The following NRG1 variants were observed in gnomAD, a reference collection of about 807,000 sequenced individuals.
NRG1 encodes neuregulin 1.
A neutral mutation model predicts 63.8 loss-of-function variants in NRG1; 18 were observed. The ratio of observed to expected loss-of-function variants is 0.28; its 90% CI spans 0.19 to 0.42. The LOEUF is 0.42. NRG1 is among the 10% of genes least tolerant of loss of function. The pLI is 1.00. For synonymous variants in NRG1, 302 were observed against 301.3 expected (o/e 1.00, Z -0.02); for missense variants, 762 against 814.7 (o/e 0.94, Z 0.79).
chr8:32,092,867 G>A (rs1829383998), intron 1 of NRG1, among the ~76,000 whole-genome samples: 1 of 152,138 alleles, frequency 6.6e-6, no homozygotes, highest in Admixed American at 6.5e-5. Flanking sequence ...ATCTTTAGGC[G>A]AAGTGACAGC....
chr8:32,651,551 A>G (rs1855127656), intron 5 of NRG1, among the ~76,000 whole-genome samples: 1 of 152,156 alleles, frequency 6.6e-6, no homozygotes, highest in South Asian at 2.1e-4. Flanking sequence ...TCTTGAAAGA[A>G]AATGTTTTCT....
In NRG1 at chr8:31,686,101, C is replaced by G. The variant is rs574280357; in HGVS notation, c.37+46670C>G. On this transcript the variant is annotated intron_variant, in intron 1 of 10. Coordinates refer to the NRG1 transcript ENST00000519301. ...AAATTGGATATAAAGCACTCTTATT[C>G]AAAGTAAAATTGCGATTTTATTTAA... Among the ~76,000 whole-genome samples the G allele has an allele frequency of 2.0e-5, 3 of 152,134 alleles. No homozygotes were observed. In the East Asian group the frequency reaches 5.8e-4, roughly 29 times the overall value.
exon 2 of NRG1, chr8:32,595,933 A>G (rs769452176): frequency 3.1e-6 from 5 of 1,613,922 alleles, no homozygotes; most frequent in South Asian, 2.2e-5. Flanking sequence ...CTCAGATTCA[A>G]GTGGTTCAAG....
chr8:31,693,147 G>A (rs1738763878), intron 1 of NRG1, among the ~76,000 whole-genome samples: 1 of 152,126 alleles, frequency 6.6e-6, no homozygotes, highest in South Asian at 2.1e-4. Context: ...GCTGCATTTA[G>A]GGACTTTGTT....
intron 1 of NRG1, among the ~76,000 whole-genome samples, chr8:31,929,173 T>C (rs1206034903): frequency 1.3e-5 from 2 of 152,216 alleles, no homozygotes; most frequent in African/African-American, 4.8e-5. Context: ...TTTATTCTGC[T>C]GTTAAAATGG....
intron 1 of NRG1, among the ~76,000 whole-genome samples, chr8:31,960,378 G>C (rs1449644104): frequency 1.3e-5 from 2 of 151,994 alleles, no homozygotes; most frequent in Non-Finnish European, 2.9e-5. Context: ...GACGCTCAGG[G>C]ATTCTACACC....
chr8:31,989,277 C>G (rs200423182), intron 1 of NRG1, among the ~76,000 whole-genome samples: 1 of 70,332 alleles, frequency 1.4e-5, no homozygotes, highest in African/African-American at 5.3e-5. Context: ...AAAAAAAGAA[C>G]AAAACAAAAA....
intron 1 of NRG1, among the ~76,000 whole-genome samples, chr8:31,961,999 C>T (rs1805539763): frequency 7.0e-6 from 1 of 142,624 alleles, no homozygotes; most frequent in Admixed American, 7.2e-5. Flanking sequence ...AGGCATTACT[C>T]ATGAACTTTG....
intron 5 of NRG1, among the ~76,000 whole-genome samples, chr8:32,696,397 C>T (rs1413487196): frequency 6.6e-6 from 1 of 152,070 alleles, no homozygotes; most frequent in Non-Finnish European, 1.5e-5. Flanking sequence ...TGTATCTTTG[C>T]CCTCCCCACT....
rs373404715 is a variant in NRG1 at position 31,899,091 on chromosome 8, A to T, written c.37+259660A>T. Among the ~76,000 whole-genome samples the T allele has an allele frequency of 5.9e-4, 85 of 144,068 alleles. No homozygotes were observed. The Middle Eastern group carries it at 0.011, about 18-fold the overall frequency. 94.5% of individuals were successfully genotyped at this position (144,068 alleles called of 152,430 possible). On this transcript the variant is annotated intron_variant, in intron 1 of 10. Coordinates refer to the NRG1 transcript ENST00000519301. Reference sequence around the variant, plus strand: ...AGCAAAGAGATATGTAAAATATATTAAAAAATTTTTAAGTTTCCTTTTTTT... The same window carrying T: ...AGCAAAGAGATATGTAAAATATATTTAAAAATTTTTAAGTTTCCTTTTTTT...
At chr8:32,360,499 A>G (rs1807066039) in intron 1 of NRG1, among the ~76,000 whole-genome samples, 1 of 152,172 alleles carries the variant, frequency 6.6e-6, no homozygotes. Flanking sequence ...GATAGCAGGT[A>G]GTTAATTAAT....
intron 1 of NRG1, among the ~76,000 whole-genome samples, chr8:32,035,397 C>T (rs115903130): frequency 0.034 from 5,152 of 151,710 alleles, 104 homozygotes; most frequent in Middle Eastern, 0.096. Context: ...CATGTGGCAC[C>T]GAGAAGAATG....
intron 1 of NRG1, among the ~76,000 whole-genome samples, chr8:31,674,663 T>C (rs1807498460): frequency 6.6e-6 from 1 of 152,172 alleles, no homozygotes; most frequent in African/African-American, 2.4e-5. Flanking sequence ...TAGTGATACC[T>C]AGCATATAGC....
intron 2 of NRG1, among the ~76,000 whole-genome samples, chr8:32,602,544 T>G (rs1844564537): frequency 6.6e-6 from 1 of 152,160 alleles, no homozygotes; most frequent in Admixed American, 6.6e-5. Context: ...TGTAATAATC[T>G]TGGAGTTGTA....
chr8:32,388,840 T>G (rs1383259989), intron 1 of NRG1, among the ~76,000 whole-genome samples: 1 of 152,104 alleles, frequency 6.6e-6, no homozygotes. Context: ...GAAATAGGAA[T>G]GAGTTTCATG....
intron 1 of NRG1, among the ~76,000 whole-genome samples, chr8:31,671,854 A>G (rs967642921): frequency 3.3e-5 from 5 of 152,158 alleles, no homozygotes; most frequent in African/African-American, 1.2e-4. Flanking sequence ...TTGAGGAACC[A>G]TTCTCAATAG....
intron 5 of NRG1, among the ~76,000 whole-genome samples, chr8:32,700,299 TG>T (rs1331041651): frequency 6.6e-6 from 1 of 152,174 alleles, no homozygotes; most frequent in Admixed American, 6.5e-5. Flanking sequence ...TATGTATAAC[TG>T]GTGAAATAAT....
chr8:32,018,028 A>C (rs1009396105), intron 1 of NRG1, among the ~76,000 whole-genome samples: 1 of 152,208 alleles, frequency 6.6e-6, no homozygotes, highest in Non-Finnish European at 1.5e-5. Flanking sequence ...GCCAGTCCTC[A>C]GTCAAATCAT....
chr8:32,309,950 G>A (rs564987090), intron 1 of NRG1, among the ~76,000 whole-genome samples: 2 of 152,224 alleles, frequency 1.3e-5, no homozygotes, highest in African/African-American at 2.4e-5. Context: ...AGAGAGAGGC[G>A]TGTTAGATTT....
Sources: allele counts gnomAD v4.1 joint callset (sites outside exome capture counted in the v4.1 genomes callset), GRCh38; gene constraint gnomAD v4.1.1; transcripts MANE v1.5; gene names NCBI Gene and HGNC (gene_info 2026-07-23, HGNC 2026-07-21).